Variants in SRFBP1 observed in about 807,000 individuals in gnomAD.
SRFBP1 encodes serum response factor binding protein 1.
SRFBP1 carries 47 observed loss-of-function variants against 45.5 expected under a neutral mutation model. The ratio of observed to expected loss-of-function variants is 1.03; its 90% confidence interval spans 0.82 to 1.32. The LOEUF (loss-of-function observed/expected upper bound fraction) is 1.32, where lower values mean the gene tolerates loss of function less well. Ranked by LOEUF, SRFBP1 falls within the 40% of genes most tolerant of loss-of-function variation. The pLI, the probability that SRFBP1 is intolerant of heterozygous loss-of-function variation, is 0.00. For missense variants in SRFBP1, 621 were observed against 484.6 expected, an observed-to-expected ratio of 1.28 and a Z score of -2.64; for synonymous variants, 203 against 166.3, an observed-to-expected ratio of 1.22 and a Z score of -1.70.
intron 4 of SRFBP1, among the ~76,000 whole-genome samples, chr5:122,000,608 T>G (rs1467380997): frequency 1.3e-5 from 2 of 152,150 alleles, no homozygotes; most frequent in Non-Finnish European, 2.9e-5. Context: ...TCATCTAGCT[T>G]CTTTAATTTT....
intron 2 of SRFBP1, among the ~76,000 whole-genome samples, chr5:122,044,967 T>C (rs1011569066): frequency 6.6e-6 from 1 of 152,206 alleles, no homozygotes; most frequent in African/African-American, 2.4e-5. Flanking sequence ...TTCTGGGTTG[T>C]CTTTCAGGGT....
chr5:122,004,673 T>G (rs1192413940), intron 4 of SRFBP1, among the ~76,000 whole-genome samples: 2 of 152,188 alleles, frequency 1.3e-5, no homozygotes, highest in African/African-American at 4.8e-5. Flanking sequence ...TCTGCTCTAA[T>G]CTTTATTTTC....
chr5:122,005,507 T>C (rs907829054), intron 4 of SRFBP1, among the ~76,000 whole-genome samples: 6 of 152,202 alleles, frequency 3.9e-5, no homozygotes, highest in African/African-American at 1.4e-4. Context: ...ATTTCTTCGC[T>C]TTTAGTCTAT....
intron 2 of SRFBP1, chr5:122,074,249 G>A: frequency 4.9e-6 from 6 of 1,221,250 alleles, no homozygotes; most frequent in Non-Finnish European, 6.9e-6. Flanking sequence ...CTTCCCCCAT[G>A]GCTTCACAAA....
intron 3 of SRFBP1, among the ~76,000 whole-genome samples, chr5:121,984,465 CT>C (rs1370664002): frequency 6.6e-6 from 1 of 151,642 alleles, no homozygotes; most frequent in Non-Finnish European, 1.5e-5. Flanking sequence ...TTTGGATTGC[CT>C]TTTTACGCAG....
chr5:122,018,504 A>G (rs901397807), intron 4 of SRFBP1, among the ~76,000 whole-genome samples: 3 of 152,210 alleles, frequency 2.0e-5, no homozygotes, highest in African/African-American at 7.2e-5. Flanking sequence ...TGGAAATTAC[A>G]TACAATAAGA....
At chr5:121,974,389 G>A (rs976643887) in intron 2 of SRFBP1, 105 bp downstream of exon 2, 76 of 754,278 alleles carry the variant, frequency 1.0e-4, no homozygotes, top group Non-Finnish European at 2.4e-5. Context: ...GTAATTAAAT[G>A]TCTTATACAC....
chr5:122,008,447 G>C (rs530193191), intron 4 of SRFBP1, among the ~76,000 whole-genome samples: 50 of 152,200 alleles, frequency 3.3e-4, no homozygotes, highest in African/African-American at 1.2e-3. Flanking sequence ...AAAGTATAGT[G>C]CTCACCTCTC....
chr5:122,049,417 A>G (rs1753926702), intron 2 of SRFBP1, among the ~76,000 whole-genome samples: 1 of 152,152 alleles, frequency 6.6e-6, no homozygotes, highest in African/African-American at 2.4e-5. Context: ...ACTCCCACAC[A>G]ATAATAATAG....
chr5:121,970,756 A>AT (rs1752172637), intron 1 of SRFBP1, among the ~76,000 whole-genome samples: 1 of 152,128 alleles, frequency 6.6e-6, no homozygotes, highest in Admixed American at 6.6e-5. Context: ...TTTAACCAAT[A>AT]TTTATTGGAC....
At chr5:121,990,177 C>T (rs1752592168) in intron 3 of SRFBP1, among the ~76,000 whole-genome samples, 1 of 152,054 alleles carries the variant, frequency 6.6e-6, no homozygotes, top group African/African-American at 2.4e-5. Context: ...GTGCAGGTGC[C>T]CATCAATGGT....
intron 4 of SRFBP1, among the ~76,000 whole-genome samples, chr5:122,012,035 A>G (rs2112697228): frequency 1.3e-5 from 2 of 152,246 alleles, no homozygotes; most frequent in East Asian, 3.9e-4. Context: ...GAAATGTGAA[A>G]GTTATCTCAG....
At chr5:122,046,609 G>A (rs1227524969) in intron 2 of SRFBP1, among the ~76,000 whole-genome samples, 1 of 152,196 alleles carries the variant, frequency 6.6e-6, no homozygotes, top group Non-Finnish European at 1.5e-5. Context: ...CTAGATCCCT[G>A]AGGAATAGCC....
intron 3 of SRFBP1, among the ~76,000 whole-genome samples, chr5:121,977,031 A>G (rs1375924984): frequency 6.6e-6 from 1 of 151,974 alleles, no homozygotes; most frequent in African/African-American, 2.4e-5. Flanking sequence ...ATTAATTAGA[A>G]AGAAAAGTTG....
At chr5:122,036,355 C>T (rs1159036218) in intron 2 of SRFBP1, among the ~76,000 whole-genome samples, 1 of 152,002 alleles carries the variant, frequency 6.6e-6, no homozygotes, top group East Asian at 1.9e-4. Flanking sequence ...AAACCATAGA[C>T]CCCAAGGATC....
In SRFBP1 at chr5:122,020,043, A is replaced by T. The variant is rs751988206; in HGVS notation, c.353-45A>T. On this transcript the variant is annotated intron_variant, in intron 5 of 7. Transcript: ENST00000339397. ...TACTGTCCTAAAACAGTCATGTTTT[A>T]TATGTTTCAGTGCTAAAATGAGTGA... The T allele has an allele frequency of 3.0e-5, 40 of 1,322,742 alleles. No individual in the cohort carries two copies. The Admixed American group carries it at 5.0e-4, about 17-fold the overall frequency. 81.9% of individuals were successfully genotyped at this position (1,322,742 alleles called of 1,614,324 possible).
chr5:122,020,247 A>C lies in SRFBP1; in HGVS notation c.512A>C (p.Lys171Thr). 6.2e-7 allele frequency: 1 copy of C among 1,612,768 alleles called. No homozygotes were observed. Among genetic ancestry groups the C allele is most frequent in the Non-Finnish European group, 8.5e-7 (1 of 1,179,654 alleles). The change falls in exon 6 of 8, where the codon AAA becomes ACA. Residue 171 changes from lysine (K) to threonine (T), a missense_variant. Transcript: ENST00000339397. ...ACTGTCATCAGTGAGCAAAAAGTCA[A>C]AGAAACCAAAATATTGGCGAAGAAA... ...EATVISEQKVKETKILAKKPI... is the reference protein window; with the variant it reads ...EATVISEQKVTETKILAKKPI...
At chr5:121,989,010 T>A (rs1470385493) in intron 3 of SRFBP1, among the ~76,000 whole-genome samples, 1 of 152,162 alleles carries the variant, frequency 6.6e-6, no homozygotes, top group Non-Finnish European at 1.5e-5. Context: ...GAGAAAAATC[T>A]AAATTCAAGA....
chr5:122,077,299 C>G (rs1419285086), downstream of SRFBP1: 2 of 1,607,924 alleles, frequency 1.2e-6, no homozygotes, highest in Non-Finnish European at 1.7e-6. This position sits in a 1 kb window ranked among gnomAD's most constrained non-coding sequence, Gnocchi z 4.9. Flanking sequence ...CGTCGAGAAG[C>G]CACATAGCTG....
Sources: allele counts gnomAD v4.1 joint callset (sites outside exome capture counted in the v4.1 genomes callset), GRCh38; gene constraint gnomAD v4.1.1; non-coding constraint Gnocchi (gnomAD v3.1); transcripts MANE v1.5; gene names NCBI Gene and HGNC (gene_info 2026-07-23, HGNC 2026-07-21).